Variants in SSBP4 observed in about 807,000 individuals in gnomAD.
SSBP4 encodes the protein single stranded DNA binding protein 4.
Under a neutral mutation model 64.6 loss-of-function variants are expected in SSBP4, and 33 were observed. The observed-to-expected ratio is 0.51, with a 90% CI of 0.39 to 0.68. SSBP4 has a LOEUF of 0.68. SSBP4 is among the 30% of genes least tolerant of loss of function. The pLI is 0.00. For missense variants in SSBP4, 583 were observed against 566.8 expected (o/e 1.03, Z -0.29); for synonymous variants, 243 against 224.0 (o/e 1.08, Z -0.76).
chr19:18,421,512 G>C (rs911067233), intron 1 of SSBP4, among the ~76,000 whole-genome samples: 1 of 152,222 alleles, frequency 6.6e-6, no homozygotes, highest in Admixed American at 6.5e-5. Flanking sequence ...TGTGGCAGTC[G>C]GGAAGGCAGG....
intron 1 of SSBP4, among the ~76,000 whole-genome samples, chr19:18,421,879 C>T (rs887793773): frequency 2.0e-5 from 3 of 152,232 alleles, no homozygotes; most frequent in Admixed American, 6.5e-5. Flanking sequence ...CTGGGGAGGC[C>T]GGGCGTGGTG....
At chr19:18,406,587 G>A in the SSBP4 span, among the ~76,000 whole-genome samples, 6 of 152,094 alleles carry the variant, frequency 3.9e-5, no homozygotes, top group African/African-American at 1.2e-4. Flanking sequence ...GGTCAAGGCT[G>A]CAGTGAGCCA....
At chr19:18,406,410 G>A in the SSBP4 span, among the ~76,000 whole-genome samples, 2 of 151,754 alleles carry the variant, frequency 1.3e-5, no homozygotes, top group South Asian at 2.1e-4. Context: ...CAAACTCCTG[G>A]CCTCAAATGA....
At chr19:18,428,771 G>A (rs576311853) in intron 4 of SSBP4, among the ~76,000 whole-genome samples, 37 of 152,160 alleles carry the variant, frequency 2.4e-4, no homozygotes, top group Non-Finnish European at 3.1e-4. Flanking sequence ...CTCTGAAGAT[G>A]CCTCCAGCAC....
chr19:18,432,925 G>C (rs1027191074), intron 13 of SSBP4, 42 bp downstream of exon 13: 3 of 1,614,092 alleles, frequency 1.9e-6, no homozygotes, highest in Non-Finnish European at 2.5e-6. Flanking sequence ...GGGTGGGTGT[G>C]TTTGGGGGAA....
upstream of SSBP4, among the ~76,000 whole-genome samples, chr19:18,414,642 C>A (rs972068973): frequency 6.6e-6 from 1 of 152,206 alleles, no homozygotes; most frequent in Non-Finnish European, 1.5e-5. Context: ...CGGTGAAAGC[C>A]ACACAAGGTG....
chr19:18,417,669 C>G (rs916091347), upstream of SSBP4, among the ~76,000 whole-genome samples: 4 of 152,190 alleles, frequency 2.6e-5, no homozygotes, highest in Non-Finnish European at 5.9e-5. The surrounding 1 kb of genome is among the most constrained non-coding windows in gnomAD (Gnocchi z 5.4). Flanking sequence ...CCTACCCCGC[C>G]GAGCCGGGGC....
At chr19:18,425,506 C>T (rs552205204) in intron 1 of SSBP4, among the ~76,000 whole-genome samples, 54 of 152,276 alleles carry the variant, frequency 3.5e-4, no homozygotes, top group Non-Finnish European at 6.5e-4. Context: ...CACTGATGGA[C>T]GCAGGCCTGT....
chr19:18,433,261 C>T (rs1398860579), intron 15 of SSBP4, 48 bp downstream of exon 15: 3 of 1,530,336 alleles, frequency 2.0e-6, no homozygotes, highest in South Asian at 1.2e-5. Flanking sequence ...CGGGCCCGTG[C>T]GCTCCCTGGC....
At chr19:18,417,630 C>G (rs1016080649), upstream of SSBP4, among the ~76,000 whole-genome samples, 2 of 152,200 alleles carry the variant, frequency 1.3e-5, no homozygotes, top group Non-Finnish European at 2.9e-5. The surrounding 1 kb of genome is among the most constrained non-coding windows in gnomAD (Gnocchi z 5.4). Context: ...GTCGCCAGCC[C>G]GAGGCCCTGC....
the SSBP4 span, among the ~76,000 whole-genome samples, chr19:18,408,897 C>T: frequency 7.2e-5 from 11 of 151,956 alleles, no homozygotes; most frequent in Admixed American, 7.2e-4. Flanking sequence ...ACTGCAACCT[C>T]CACTTCCTGG....
intron 4 of SSBP4, among the ~76,000 whole-genome samples, chr19:18,428,306 G>A (rs1312166864): frequency 6.6e-6 from 1 of 152,208 alleles, no homozygotes; most frequent in East Asian, 1.9e-4. Context: ...GAGCCTGCGT[G>A]GAGATGGGGG....
the SSBP4 span, among the ~76,000 whole-genome samples, chr19:18,405,816 C>G: frequency 6.6e-6 from 1 of 152,064 alleles, no homozygotes. Flanking sequence ...ACAGTGAAAC[C>G]CTGTCTCTAC....
At position 18,433,601 on chromosome 19, in the gene SSBP4, C is replaced by A; in HGVS notation, c.1008C>A (p.Asp336Glu). The stretch of plus-strand genomic sequence containing the variant: ...TGTCTGTAGGCTCGGGCGACATGGA[C>A]GGGTTGCCGAAGGTAAGGAGGCTGC... Reference protein sequence around the residue: ...VNGSLGSGDMDGLPKSSPGAV... With the variant: ...VNGSLGSGDMEGLPKSSPGAV... The change falls in exon 16 of 18, where the codon GAC becomes GAA. Residue 336 changes from aspartate (D) to glutamate (E), a missense_variant. Asp to Glu is a conservative substitution (Grantham distance 45). This residue lies in a region of SSBP4 where 444 missense variants were observed against 386.6 expected (regional missense o/e 1.15). Coordinates refer to ENST00000270061, the MANE Select transcript of SSBP4 (RefSeq NM_032627.5). 7.4e-7 allele frequency: 1 copy of A among 1,355,732 alleles called. No homozygotes were observed. The highest frequency in any genetic ancestry group is 9.6e-7 in the Non-Finnish European group (1 of 1,038,184). 84.0% of individuals were successfully genotyped at this position (1,355,732 alleles called of 1,614,324 possible).
At position 18,420,850 on chromosome 19, in the gene SSBP4, C is replaced by CA. The variant is rs34523547; in HGVS notation, c.59+1155dup. The stretch of plus-strand genomic sequence containing the variant: ...CTGGCGACAGAGCCAGATTCCATCT[C>CA]AAAAAAAAAAAACAAAAAACAAAAA... On this transcript the variant is annotated intron_variant, in intron 1 of 17. Transcript: ENST00000270061. Among the ~76,000 whole-genome samples, 1,304 of 136,902 alleles carry CA rather than the reference C, an allele frequency of 9.5e-3. 8 individuals carry two copies. The highest frequency in any genetic ancestry group is 0.019 in the African/African-American group (703 of 37,594). The allele number at this position is 136,902 out of a possible 152,430, so 89.8% of individuals were successfully genotyped here. A position where few individuals can be genotyped will look rare whatever the true frequency, so the allele number is the denominator to read the frequency against.
intron 14 of SSBP4, 21 bp downstream of exon 14, chr19:18,433,064 G>T: frequency 6.2e-7 from 1 of 1,613,964 alleles, no homozygotes; most frequent in Non-Finnish European, 8.5e-7. Context: ...GCTTGCAGGG[G>T]TGCTTCTCGA....
rs763629428 is a variant in SSBP4 at position 18,430,894 on chromosome 19, A to C, written c.333A>C (p.Thr111=). 1 of 1,613,148 alleles carries C rather than the reference A, an allele frequency of 6.2e-7. No individual in the cohort carries two copies. The highest frequency in any genetic ancestry group is 8.5e-7 in the Non-Finnish European group (1 of 1,179,862). Reference sequence around the variant, plus strand: ...TGGGGAGTATGGCCCCAGGTGACACAATGGCCGCAGGCTCCATGGCGGCTG... The same window carrying C: ...TGGGGAGTATGGCCCCAGGTGACACCATGGCCGCAGGCTCCATGGCGGCTG... ...PVMGSMAPGD[T]MAAGSMAAGF... The change falls in exon 5 of 18, where the codon ACA becomes ACC. Residue 111 remains threonine (T), a synonymous_variant. Transcript: ENST00000270061.
chr19:18,430,148 A>T (rs1429586312), intron 4 of SSBP4, among the ~76,000 whole-genome samples: 1 of 151,708 alleles, frequency 6.6e-6, no homozygotes, highest in Non-Finnish European at 1.5e-5. Flanking sequence ...GCCAGGAGAG[A>T]AGTTCTCCCC....
At position 18,419,494 on chromosome 19, in the gene SSBP4, C is replaced by T; in HGVS notation, c.-155C>T. The T allele has an allele frequency of 9.1e-7, 1 of 1,096,016 alleles. No homozygotes were observed. The highest frequency in any genetic ancestry group is 4.3e-5 in the South Asian group (1 of 23,100). 67.9% of individuals were successfully genotyped at this position (1,096,016 alleles called of 1,614,324 possible). The stretch of plus-strand genomic sequence containing the variant: ...GCCGCCGCTGCCGCCGCCGCCGCGG[C>T]CGTCTGGAGCTCCCCCGCGCGGACG... On this transcript the variant is annotated 5_prime_UTR_variant, in exon 1 of 18. Coordinates refer to ENST00000270061, the MANE Select transcript of SSBP4 (RefSeq NM_032627.5).
Sources: gnomAD v4.1 joint callset for allele counts (sites outside exome capture counted in the v4.1 genomes callset) on GRCh38, gnomAD v4.1.1 for gene constraint, gnomAD v4.1.1 regional missense constraint, Gnocchi (gnomAD v3.1) non-coding constraint, MANE v1.5 for transcripts, NCBI Gene and HGNC (gene_info 2026-07-23, HGNC 2026-07-21) for gene names.